Variants in CGGBP1 observed in about 807,000 individuals in gnomAD.
CGGBP1 encodes CGG triplet repeat binding protein 1.
A neutral mutation model predicts 11.4 loss-of-function variants in CGGBP1; 4 were observed. The ratio of observed to expected loss-of-function variants is 0.35; its 90% CI spans 0.17 to 0.80. CGGBP1 has a LOEUF of 0.80. Among genes scored for constraint, CGGBP1 ranks in the 30% least tolerant of loss-of-function variants. The probability of loss-of-function intolerance (pLI) is 0.52; values close to 1 mark genes in which losing one functional copy is unlikely to be tolerated. For synonymous variants in CGGBP1, 76 were observed against 74.1 expected, an observed-to-expected ratio of 1.03 and a Z score of -0.13; for missense variants, 135 against 202.1, an observed-to-expected ratio of 0.67 and a Z score of 2.01.
intron 2 of CGGBP1, among the ~76,000 whole-genome samples, chr3:88,071,276 A>G (rs1420405269): frequency 3.9e-5 from 6 of 151,970 alleles, no homozygotes; most frequent in South Asian, 4.2e-4. Flanking sequence ...TTGGGAGGCC[A>G]AGGTGGGCGG....
intron 2 of CGGBP1, among the ~76,000 whole-genome samples, chr3:88,099,563 T>TA (rs1553695786): frequency 6.6e-6 from 1 of 152,034 alleles, no homozygotes; most frequent in East Asian, 1.9e-4. Context: ...TCACACTACC[T>TA]ACTTCAAACT....
At chr3:88,125,043 G>C (rs1217014679) in intron 2 of CGGBP1, among the ~76,000 whole-genome samples, 1 of 151,848 alleles carries the variant, frequency 6.6e-6, no homozygotes, top group Non-Finnish European at 1.5e-5. Context: ...GTGAAACTCT[G>C]TCTCTACTAA....
intron 1 of CGGBP1, among the ~76,000 whole-genome samples, chr3:88,149,422 A>G (rs1707367036): frequency 1.3e-5 from 2 of 152,270 alleles, no homozygotes; most frequent in African/African-American, 4.8e-5. Context: ...GAGGCAAGAG[A>G]CGGTCCCGGC....
intron 2 of CGGBP1, among the ~76,000 whole-genome samples, chr3:88,115,653 C>G (rs371729535): frequency 3.7e-4 from 56 of 152,276 alleles, no homozygotes; most frequent in African/African-American, 1.3e-3. Context: ...TTTAACTCTT[C>G]TTACCTATAA....
At position 88,140,717 on chromosome 3, in the gene CGGBP1, A is replaced by G. The variant is rs1402085986; in HGVS notation, c.-229+253T>C. 3.1e-6 allele frequency: 5 copies of G among 1,613,784 alleles called. No individual in the cohort carries two copies. The South Asian group carries it at 5.5e-5, about 18-fold the overall frequency. On this transcript the variant is annotated intron_variant, in intron 2 of 3. Transcript: ENST00000462901. ...CCATTTTGCCCAGTGTTGTACCACA[A>G]GAACACAACACCTTGCCAGTATCTC...
At chr3:88,071,488 C>CA (rs1707506678) in intron 2 of CGGBP1, among the ~76,000 whole-genome samples, 1 of 152,142 alleles carries the variant, frequency 6.6e-6, no homozygotes, top group South Asian at 2.1e-4. Context: ...ACTAAAAATA[C>CA]AAAAAAATTT....
intron 2 of CGGBP1, among the ~76,000 whole-genome samples, chr3:88,083,640 T>G (rs556207249): frequency 2.6e-4 from 40 of 152,304 alleles, no homozygotes; most frequent in African/African-American, 8.7e-4. Flanking sequence ...CATAAAAGAT[T>G]GCTAGCCTTA....
At chr3:88,109,110 G>A (rs533495770) in intron 2 of CGGBP1, among the ~76,000 whole-genome samples, 1 of 150,586 alleles carries the variant, frequency 6.6e-6, no homozygotes. Flanking sequence ...GAAGGGGTCT[G>A]GTAATGTATC....
chr3:88,061,696 C>A (rs1219419636), upstream of CGGBP1, among the ~76,000 whole-genome samples: 2 of 152,028 alleles, frequency 1.3e-5, no homozygotes, highest in Non-Finnish European at 2.9e-5. Flanking sequence ...TTGCTTCATT[C>A]GTCAGTAAGG....
intron 2 of CGGBP1, chr3:88,140,890 T>G: frequency 6.2e-7 from 1 of 1,613,500 alleles, no homozygotes; most frequent in Non-Finnish European, 8.5e-7. Context: ...ACTGATAGAG[T>G]AGATGCCTGT....
intron 2 of CGGBP1, chr3:88,139,282 T>C: frequency 1.3e-6 from 2 of 1,560,726 alleles, no homozygotes; most frequent in South Asian, 2.5e-5. Flanking sequence ...ACTTCCAAAG[T>C]AGATCACAAT....
intron 2 of CGGBP1, among the ~76,000 whole-genome samples, chr3:88,064,109 C>CTTTTTT (rs34753092): frequency 6.8e-6 from 1 of 147,904 alleles, no homozygotes; most frequent in Non-Finnish European, 1.5e-5. Flanking sequence ...CGAGCTTCTT[C>CTTTTTT]TTTTTTTTTT....
At chr3:88,122,022 A>T (rs1408385725) in intron 2 of CGGBP1, among the ~76,000 whole-genome samples, 1 of 152,184 alleles carries the variant, frequency 6.6e-6, no homozygotes, top group Admixed American at 6.6e-5. Flanking sequence ...ACCTAAGAAG[A>T]TGTCAACACT....
chr3:88,076,473 T>C (rs2107631612), intron 2 of CGGBP1, among the ~76,000 whole-genome samples: 1 of 152,348 alleles, frequency 6.6e-6, no homozygotes, highest in Admixed American at 6.5e-5. Context: ...TGAACTTTTA[T>C]TCCTAAGGAA....
At chr3:88,060,647 TTAAA>T (rs199936258), upstream of CGGBP1, among the ~76,000 whole-genome samples, 638 of 152,316 alleles carry the variant, frequency 4.2e-3, 3 homozygotes, top group Admixed American at 7.8e-3. Flanking sequence ...GGAGTAATAG[TTAAA>T]TAAATATGTG....
chr3:88,129,895 T>G (rs1459012246), intron 2 of CGGBP1: 1 of 1,291,620 alleles, frequency 7.7e-7, no homozygotes, highest in East Asian at 2.6e-5. Flanking sequence ...CAGTTTGAAC[T>G]TTGTTTTTTA....
intron 1 of CGGBP1, 65 bp from the exon 2 acceptor site, chr3:88,058,288 T>C (rs974468129): frequency 2.0e-5 from 3 of 152,304 alleles, no homozygotes; most frequent in East Asian, 1.9e-4. Flanking sequence ...ACTGAAAAGA[T>C]GAACAAGAAC....
chr3:88,082,083 C>A (rs4438681), intron 2 of CGGBP1, among the ~76,000 whole-genome samples: 2 of 151,902 alleles, frequency 1.3e-5, no homozygotes, highest in East Asian at 1.9e-4. Context: ...CTTTGACGCC[C>A]CTAAAATGGA....
rs1273731367 is a variant in CGGBP1 at position 88,055,816 on chromosome 3, C to T, written c.161G>A (p.Arg54His). Residue 54 changes from arginine to histidine, a missense_variant, in exon 4 of 4, where the codon CGC becomes CAC. By Grantham distance (29) the Arg-to-His change is conservative (BLOSUM62 0). Coordinates refer to ENST00000482016, the MANE Select transcript of CGGBP1 (RefSeq NM_001008390.2). The surrounding 1 kb of genome is among the most constrained non-coding windows in gnomAD (Gnocchi z 4.2). ...GAGGTGGTCACTAATGGCAGACTTG[C>T]GAACATGATTCAGAACCACATTGCA... ...TSCNVVLNHV[R>H]KSAISDHLKS... is the part of the protein sequence containing the mutation. 2 of 1,614,132 alleles carry T rather than the reference C, an allele frequency of 1.2e-6. No homozygotes were observed. Among genetic ancestry groups the T allele is most frequent in the East Asian group, 2.2e-5 (1 of 44,882 alleles).
Sources: gnomAD v4.1 joint callset for allele counts (sites outside exome capture counted in the v4.1 genomes callset) on GRCh38, gnomAD v4.1.1 for gene constraint, Gnocchi (gnomAD v3.1) non-coding constraint, MANE v1.5 for transcripts, NCBI Gene and HGNC (gene_info 2026-07-23, HGNC 2026-07-21) for gene names.